The following HIVEP2 variants were observed in gnomAD, a reference collection of about 807,000 sequenced individuals.
HIVEP2 encodes the protein transcription factor HIVEP2.
Under a neutral mutation model 180.7 loss-of-function variants are expected in HIVEP2, and 14 were observed. The observed-to-expected ratio is 0.08, with a 90% CI of 0.05 to 0.12. The LOEUF is 0.12. Ranked by LOEUF, HIVEP2 falls within the 10% of genes least tolerant of loss-of-function variation. HIVEP2 has a pLI of 1.00. For missense variants in HIVEP2, 2,579 were observed against 3,008.5 expected (o/e 0.86, Z 3.34); for synonymous variants, 1,184 against 1,136.4 (o/e 1.04, Z -0.84).
intron 2 of HIVEP2, among the ~76,000 whole-genome samples, chr6:142,793,656 C>T (rs6910093): frequency 0.14 from 10,365 of 74,742 alleles, 566 homozygotes; most frequent in African/African-American, 0.2. Context: ...TTCTTTCTTT[C>T]TTTTTTCTTT....
rs761302909 is a variant in HIVEP2 at position 142,759,917 on chromosome 6, G to C, written c.6371C>G (p.Thr2124Arg). Reference protein sequence around the residue: ...RRPVSPGKDITARRDLSPRRE... With the variant: ...RRPVSPGKDIRARRDLSPRRE... ...TCTAGGAGAGAGGTCTCTTCTTGCT[G>C]TGATATCTTTCCCAGGAGACACTGG... The change falls in exon 9 of 10, where the codon ACA becomes AGA. Residue 2124 changes from threonine to arginine, a missense_variant. Around this residue, in one of 11 missense-constraint regions of HIVEP2, gnomAD observed 660 missense variants for 731.7 expected, o/e 0.90. Coordinates refer to ENST00000367603, the MANE Select transcript of HIVEP2 (RefSeq NM_006734.4). 22 of 1,613,976 alleles carry C rather than the reference G, an allele frequency of 1.4e-5. No individual in the cohort carries two copies. The highest frequency in any genetic ancestry group is 1.8e-5 in the Non-Finnish European group (21 of 1,179,992).
intron 2 of HIVEP2, 134 bp from the exon 3 acceptor site, chr6:142,783,749 T>A (rs1775915703): frequency 7.0e-6 from 1 of 142,356 alleles, no homozygotes; most frequent in South Asian, 2.2e-4. Context: ...CTCAAGAAGC[T>A]TTTTTTTTTT....
intron 1 of HIVEP2, among the ~76,000 whole-genome samples, chr6:142,931,162 G>A (rs772939858): frequency 2.0e-5 from 3 of 152,032 alleles, no homozygotes; most frequent in Non-Finnish European, 4.4e-5. Flanking sequence ...AAAATTAAGA[G>A]AGTTTTCTCA....
At chr6:142,856,710 C>A (rs1775830518) in intron 1 of HIVEP2, among the ~76,000 whole-genome samples, 1 of 152,214 alleles carries the variant, frequency 6.6e-6, no homozygotes, top group Non-Finnish European at 1.5e-5. Context: ...AAAATGCAAT[C>A]AGCAATGAAA....
intron 2 of HIVEP2, among the ~76,000 whole-genome samples, chr6:142,829,763 A>C (rs571610681): frequency 6.6e-6 from 1 of 152,354 alleles, no homozygotes; most frequent in South Asian, 2.1e-4. Flanking sequence ...GCTCAAGCCA[A>C]CTGAGTGTTG....
intron 8 of HIVEP2, 24 bp from the exon 9 acceptor site, chr6:142,760,691 T>C: frequency 3.9e-6 from 6 of 1,532,570 alleles, no homozygotes; most frequent in Non-Finnish European, 4.4e-6. Flanking sequence ...ACAAAGATAA[T>C]GGAGATCAAG....
intron 1 of HIVEP2, among the ~76,000 whole-genome samples, chr6:142,841,575 G>A (rs1368346124): frequency 6.6e-6 from 1 of 151,794 alleles, no homozygotes; most frequent in Admixed American, 6.6e-5. Context: ...GAGTATATGT[G>A]GGAAATTTTC....
Position 142,813,580 on chromosome 6 carries a change from T to A in HIVEP2, c.-528+23355A>T, listed in dbSNP as rs552363167. Among the ~76,000 whole-genome samples the A allele has an allele frequency of 4.0e-4, 61 of 151,186 alleles. 1 individual carries two copies. The highest frequency in any genetic ancestry group is 6.8e-3 in the Middle Eastern group (2 of 292). ...CTCCATCATCAGTTCAGAGTTTTTT[T>A]TTTTTTTTTTTTGAGACATGATCTT... On this transcript the variant is annotated intron_variant, in intron 2 of 9. Transcript: ENST00000367603.
intron 2 of HIVEP2, among the ~76,000 whole-genome samples, chr6:142,799,734 T>C (rs1466483150): frequency 6.6e-6 from 1 of 152,118 alleles, no homozygotes; most frequent in Admixed American, 6.6e-5. Context: ...AAGTTCAAGG[T>C]GGTAGAATAG....
intron 2 of HIVEP2, among the ~76,000 whole-genome samples, chr6:142,822,874 C>T (rs146579454): frequency 4.4e-4 from 67 of 152,344 alleles, no homozygotes; most frequent in African/African-American, 1.5e-3. Flanking sequence ...GTTACCCAAA[C>T]ACTATCAAGC....
intron 7 of HIVEP2, among the ~76,000 whole-genome samples, chr6:142,764,267 A>G (rs1775327117): frequency 6.6e-6 from 1 of 152,256 alleles, no homozygotes; most frequent in Non-Finnish European, 1.5e-5. Flanking sequence ...ACAGTTATGT[A>G]CTGAGAATCA....
chr6:142,824,014 A>G (rs982370251), intron 2 of HIVEP2, among the ~76,000 whole-genome samples: 1 of 152,284 alleles, frequency 6.6e-6, no homozygotes, highest in South Asian at 2.1e-4. Flanking sequence ...TTAATTTAAA[A>G]CATTTTTATA....
Position 142,751,579 on chromosome 6 carries a change from C to A in HIVEP2, c.*1528G>T, listed in dbSNP as rs1469976520. 14 of 152,652 alleles carry A rather than the reference C, an allele frequency of 9.2e-5. No homozygotes were observed. 9.5% of individuals were successfully genotyped at this position (152,652 alleles called of 1,614,324 possible). A position where few individuals can be genotyped will look rare whatever the true frequency, so the allele number is the denominator to read the frequency against. ...AATCCACTATATAGCACAAAGATAACCCAGATTGTATGTGTGCGTGCACAC... is the reference window on the plus strand; with the variant it reads ...AATCCACTATATAGCACAAAGATAAACCAGATTGTATGTGTGCGTGCACAC... On this transcript the variant is annotated 3_prime_UTR_variant, in exon 10 of 10. Transcript: ENST00000367603.
At position 142,842,425 on chromosome 6, in the gene HIVEP2, G is replaced by C. The variant is rs141222374; in HGVS notation, c.-640-5378C>G. Among the ~76,000 whole-genome samples, 437 of 152,094 alleles carry C rather than the reference G, an allele frequency of 2.9e-3. 3 individuals carry two copies. The highest frequency in any genetic ancestry group is 9.8e-3 in the African/African-American group (405 of 41,484). Reference sequence around the variant, plus strand: ...CCGATATGGTACATGAAGAATTCTAGACTCTGTACTGAAAGGGAAGAGAAG... The same window carrying C: ...CCGATATGGTACATGAAGAATTCTACACTCTGTACTGAAAGGGAAGAGAAG... On this transcript the variant is annotated intron_variant, in intron 1 of 9. Transcript: ENST00000367603.
chr6:142,884,511 T>A (rs1019678704), intron 1 of HIVEP2, among the ~76,000 whole-genome samples: 3 of 151,938 alleles, frequency 2.0e-5, no homozygotes, highest in Non-Finnish European at 2.9e-5. Flanking sequence ...TAAACAAACA[T>A]CGACAAACCA....
rs1206393620 is a variant in HIVEP2 at position 142,752,243 on chromosome 6, A to G, written c.*864T>C. 6.5e-6 allele frequency: 1 copy of G among 152,698 alleles called. No individual in the cohort carries two copies. The highest frequency in any genetic ancestry group is 1.5e-5 in the Non-Finnish European group (1 of 68,050). The allele number at this position is 152,698 out of a possible 1,614,324, so 9.5% of individuals were successfully genotyped here. On this transcript the variant is annotated 3_prime_UTR_variant, in exon 10 of 10. Transcript: ENST00000367603. ...TTCCCATATTTTTAGATGAGTATAT[A>G]GATCAACATGTTCACATAAGACCAA...
intron 2 of HIVEP2, among the ~76,000 whole-genome samples, chr6:142,825,052 C>G (rs1443731244): frequency 6.6e-6 from 1 of 152,144 alleles, no homozygotes; most frequent in East Asian, 1.9e-4. Context: ...AATCTTGTAG[C>G]AAGTTTTTTT....
At chr6:142,794,456 C>A (rs1384346021) in intron 2 of HIVEP2, among the ~76,000 whole-genome samples, 3 of 152,132 alleles carry the variant, frequency 2.0e-5, no homozygotes, top group African/African-American at 4.8e-5. Context: ...GTGCCTTTTC[C>A]TTAGCCTTCA....
intron 2 of HIVEP2, among the ~76,000 whole-genome samples, chr6:142,785,056 T>G (rs1307360779): frequency 6.6e-6 from 1 of 151,710 alleles, no homozygotes; most frequent in Non-Finnish European, 1.5e-5. Context: ...CCCAGCTAAT[T>G]TTTTTGCATT....
Sources: allele counts gnomAD v4.1 joint callset (sites outside exome capture counted in the v4.1 genomes callset), GRCh38; gene constraint gnomAD v4.1.1; regional missense constraint gnomAD v4.1.1; transcripts MANE v1.5; gene names NCBI Gene and HGNC (gene_info 2026-07-23, HGNC 2026-07-21).